TLE1: variants seen among roughly 807,000 people sequenced by gnomAD.
The protein encoded by TLE1 is TLE family member 1, transcriptional corepressor.
TLE1 carries 21 observed loss-of-function variants against 89.8 expected under a neutral mutation model. The observed-to-expected ratio is 0.23, with a 90% CI of 0.17 to 0.34. TLE1 has a LOEUF of 0.34. Ranked by LOEUF, TLE1 falls within the 10% of genes least tolerant of loss-of-function variation. The pLI is 1.00. For missense variants in TLE1, 795 were observed against 1,031.2 expected (o/e 0.77, Z 3.14); for synonymous variants, 447 against 407.6 (o/e 1.10, Z -1.16).
At position 81,620,087 on chromosome 9, in the gene TLE1, A is replaced by T. The variant is rs73468099; in HGVS notation, c.711+354T>A. Among the ~76,000 whole-genome samples, 756 of 152,318 alleles carry T rather than the reference A, an allele frequency of 5.0e-3. 5 individuals carry two copies. Among genetic ancestry groups the T allele is most frequent in the African/African-American group, 0.011 (467 of 41,564 alleles). On this transcript the variant is annotated intron_variant, in intron 9 of 19. Transcript: ENST00000376499. ...AAAAATGCAGAGACCTTATTCAAAA[A>T]TTGAGAACGCAAAGATGGTGAGATC...
chr9:81,682,498 T>C (rs553289386), intron 4 of TLE1, among the ~76,000 whole-genome samples: 4 of 152,350 alleles, frequency 2.6e-5, no homozygotes, highest in East Asian at 1.9e-4. Context: ...ATTTATAGCA[T>C]GGCTTCATCA....
At position 81,590,793 on chromosome 9, in the gene TLE1, A is replaced by C; in HGVS notation, c.1829+12T>G. 6.2e-7 allele frequency: 1 copy of C among 1,609,288 alleles called. No homozygotes were observed. The highest frequency in any genetic ancestry group is 8.5e-7 in the Non-Finnish European group (1 of 1,176,502). ...GAAGCGAACCCCTCCTTAGACGACC[A>C]TCTTTGCTCACCTCACTAGTGTCTG... On this transcript the variant is annotated intron_variant, in intron 16 of 19. Coordinates refer to ENST00000376499, the MANE Select transcript of TLE1 (RefSeq NM_005077.5).
intron 2 of TLE1, among the ~76,000 whole-genome samples, chr9:81,687,126 G>A (rs1834388003): frequency 6.6e-6 from 1 of 152,222 alleles, no homozygotes; most frequent in Admixed American, 6.5e-5. Flanking sequence ...ACCGGCAAAA[G>A]GGAAACAATG....
chr9:81,595,546 C>T (rs146192361), intron 14 of TLE1, among the ~76,000 whole-genome samples: 22 of 152,250 alleles, frequency 1.4e-4, no homozygotes, highest in African/African-American at 2.6e-4. Flanking sequence ...AGGCTGGGCG[C>T]GGTGGCTCAC....
intron 8 of TLE1, among the ~76,000 whole-genome samples, chr9:81,629,062 A>T (rs912756812): frequency 2.0e-5 from 3 of 152,156 alleles, no homozygotes; most frequent in African/African-American, 7.2e-5. Flanking sequence ...ACATTCAACA[A>T]ATGTTTAACT....
chr9:81,595,729 G>A (rs1286386075), intron 14 of TLE1, among the ~76,000 whole-genome samples: 6 of 150,150 alleles, frequency 4.0e-5, no homozygotes, highest in African/African-American at 1.5e-4. Flanking sequence ...TGAGGCAGGA[G>A]AATGGCGTGA....
intron 14 of TLE1, among the ~76,000 whole-genome samples, chr9:81,606,990 A>G (rs907815198): frequency 6.6e-6 from 1 of 151,078 alleles, no homozygotes; most frequent in Non-Finnish European, 1.5e-5. Context: ...TTGGGAGGCC[A>G]TGGCAAGAGG....
At chr9:81,620,881 G>A (rs541862453) in intron 8 of TLE1, 4 of 655,578 alleles carry the variant, frequency 6.1e-6, no homozygotes, top group South Asian at 4.3e-5. Flanking sequence ...CTTTCCCACT[G>A]CGACTTCCTG....
chr9:81,637,723 T>G (rs964167991), intron 6 of TLE1, among the ~76,000 whole-genome samples: 18 of 151,524 alleles, frequency 1.2e-4, no homozygotes, highest in African/African-American at 4.4e-4. Context: ...TCACAACTGC[T>G]GAAGATGTCG....
chr9:81,622,144 C>T (rs1038570209), intron 8 of TLE1, among the ~76,000 whole-genome samples: 1 of 152,342 alleles, frequency 6.6e-6, no homozygotes, highest in South Asian at 2.1e-4. Flanking sequence ...CTCTGAAAAG[C>T]TGGGCCGGGG....
chr9:81,664,021 G>A (rs534294771), intron 4 of TLE1, among the ~76,000 whole-genome samples: 2 of 152,236 alleles, frequency 1.3e-5, no homozygotes, highest in African/African-American at 4.8e-5. Flanking sequence ...TTCACAGGCA[G>A]AAAGAATGAT....
intron 14 of TLE1, chr9:81,600,097 C>G (rs866311210): frequency 1.3e-6 from 1 of 745,302 alleles, no homozygotes; most frequent in East Asian, 2.5e-5. Context: ...TCTCAATGTG[C>G]TGGGGCAGGA....
intron 6 of TLE1, among the ~76,000 whole-genome samples, chr9:81,646,961 A>G (rs906793554): frequency 6.6e-6 from 1 of 152,216 alleles, no homozygotes; most frequent in African/African-American, 2.4e-5. Context: ...GGTTATGTTC[A>G]TGAAAAATAA....
intron 4 of TLE1, among the ~76,000 whole-genome samples, chr9:81,678,810 A>G (rs1213937254): frequency 3.3e-5 from 5 of 151,882 alleles, no homozygotes; most frequent in Non-Finnish European, 7.4e-5. Context: ...ACTGCACTCC[A>G]GCCTGGATGA....
chr9:81,687,442 C>G lies in TLE1; in HGVS notation c.25-8G>C. ...TGCAGCCTGGTGCGGCGTCTGGGGG[C>G]GACCAGCGAGGGGGACCGAGGGACG... is the stretch of plus-strand genomic sequence containing the variant. On this transcript the variant is annotated splice_region_variant and splice_polypyrimidine_tract_variant and intron_variant, in intron 1 of 19. Coordinates refer to ENST00000376499, the MANE Select transcript of TLE1 (RefSeq NM_005077.5). 1 of 1,604,354 alleles carries G rather than the reference C, an allele frequency of 6.2e-7. No individual in the cohort carries two copies. Among genetic ancestry groups the G allele is most frequent in the East Asian group, 2.2e-5 (1 of 44,664 alleles).
At position 81,627,269 on chromosome 9, in the gene TLE1, C is replaced by A. The variant is rs190509429; in HGVS notation, c.594+6079G>T. Among the ~76,000 whole-genome samples the A allele has an allele frequency of 4.1e-3, 612 of 151,084 alleles. 21 individuals carry two copies. Among genetic ancestry groups the A allele is most frequent in the Admixed American group, 0.038 (581 of 15,200 alleles). On this transcript the variant is annotated intron_variant, in intron 8 of 19. Coordinates refer to ENST00000376499, the MANE Select transcript of TLE1 (RefSeq NM_005077.5). ...AATTGCAGGTTTTCTAATTACAGAG[C>A]ACAAACTCAAGTCAAAAAGAGGTTT...
intron 14 of TLE1, among the ~76,000 whole-genome samples, chr9:81,598,138 G>A (rs73468050): frequency 1.3e-3 from 193 of 152,262 alleles, no homozygotes; most frequent in African/African-American, 4.3e-3. Flanking sequence ...AAATCTGATC[G>A]TGTCAAAAAC....
chr9:81,678,260 G>A (rs1056351317), intron 4 of TLE1, among the ~76,000 whole-genome samples: 1 of 152,122 alleles, frequency 6.6e-6, no homozygotes, highest in African/African-American at 2.4e-5. Flanking sequence ...ACAGTCTAGA[G>A]TACAGAGGTG....
At chr9:81,652,423 A>AATCGGAAGAG in intron 5 of TLE1, 135 bp from the exon 6 acceptor site, 1 of 630,546 alleles carries the variant, frequency 1.6e-6, no homozygotes, top group Non-Finnish European at 2.7e-6. Context: ...TCTCAACCAC[A>AATCGGAAGAG]CTTTATTTTC....
Sources: gnomAD v4.1 joint callset for allele counts (sites outside exome capture counted in the v4.1 genomes callset) on GRCh38, gnomAD v4.1.1 for gene constraint, MANE v1.5 for transcripts, NCBI Gene and HGNC (gene_info 2026-07-23, HGNC 2026-07-21) for gene names.